Variants in MID1 observed in about 807,000 individuals in gnomAD.
The protein encoded by MID1 is midline 1.
Under a neutral mutation model 40.4 loss-of-function variants are expected in MID1, and 7 were observed. The observed-to-expected ratio is 0.17, with a 90% CI of 0.10 to 0.33. MID1 has a LOEUF of 0.33. Among genes scored for constraint, MID1 ranks in the 10% least tolerant of loss-of-function variants. MID1 has a pLI of 1.00. For synonymous variants in MID1, 229 were observed against 221.2 expected (o/e 1.04, Z -0.31); for missense variants, 367 against 558.5 (o/e 0.66, Z 3.46).
intron 1 of MID1, among the ~76,000 whole-genome samples, chrX:10,577,652 A>G (rs774422535): frequency 6.4e-5 from 7 of 108,824 alleles, no homozygotes; most frequent in African/African-American, 2.3e-4. Flanking sequence ...GTGTGTGTAT[A>G]TATATATATA....
chrX:10,774,797 G>C (rs180818872), intron 1 of MID1, among the ~76,000 whole-genome samples: 1 of 111,590 alleles, frequency 9.0e-6, no homozygotes, highest in Non-Finnish European at 1.9e-5. Flanking sequence ...TATGGAGGTA[G>C]TCAAAGTCTT....
At chrX:10,743,794 A>T (rs776490494) in intron 1 of MID1, among the ~76,000 whole-genome samples, 1 of 112,240 alleles carries the variant, frequency 8.9e-6, no homozygotes, top group African/African-American at 3.2e-5. Flanking sequence ...CAATTTCCTT[A>T]CAGATGAGTT....
intron 1 of MID1, among the ~76,000 whole-genome samples, chrX:10,780,093 G>A (rs1042176698): frequency 2.7e-5 from 3 of 110,336 alleles, no homozygotes; most frequent in African/African-American, 6.6e-5. Context: ...AGCCTCCTGA[G>A]TAGCTGAGAC....
At chrX:10,600,633 T>C (rs2147519950) in intron 1 of MID1, among the ~76,000 whole-genome samples, 1 of 112,170 alleles carries the variant, frequency 8.9e-6, no homozygotes, top group South Asian at 3.7e-4. Context: ...CCAGGATGCA[T>C]TTCCAGTGTC....
chrX:10,460,858 T>C (rs1324799090), intron 7 of MID1, among the ~76,000 whole-genome samples: 1 of 111,221 alleles, frequency 9.0e-6, no homozygotes, highest in East Asian at 2.8e-4. Context: ...AACCTTTCTG[T>C]AGTAAGAAAT....
At chrX:10,456,340 T>C (rs1928667335) in intron 8 of MID1, among the ~76,000 whole-genome samples, 1 of 112,396 alleles carries the variant, frequency 8.9e-6, no homozygotes, top group African/African-American at 3.2e-5. Context: ...TTTTTGGCTA[T>C]GCAGGCCAGG....
intron 1 of MID1, 70 bp from the exon 2 acceptor site, chrX:10,567,673 G>T: frequency 1.5e-6 from 1 of 680,670 alleles, no homozygotes. Flanking sequence ...AGCTTTGAAT[G>T]CATCTCAGAA....
chrX:10,472,443 A>C (rs1929763138), intron 6 of MID1, among the ~76,000 whole-genome samples: 1 of 112,777 alleles, frequency 8.9e-6, no homozygotes, highest in Non-Finnish European at 1.9e-5. Context: ...ATAGAGATTA[A>C]AATGGGTATA....
intron 1 of MID1, among the ~76,000 whole-genome samples, chrX:10,785,707 G>T (rs1321196824): frequency 9.0e-6 from 1 of 111,528 alleles, no homozygotes; most frequent in African/African-American, 3.3e-5. Context: ...ACAAAAACAA[G>T]AAATGGGGAA....
At chrX:10,762,165 G>A (rs991715895) in intron 1 of MID1, among the ~76,000 whole-genome samples, 2 of 112,360 alleles carry the variant, frequency 1.8e-5, no homozygotes, top group African/African-American at 6.5e-5. Context: ...TTTTTATTCA[G>A]TACAATCTGT....
chrX:10,690,818 C>T (rs1158435094), intron 1 of MID1, among the ~76,000 whole-genome samples: 6 of 111,754 alleles, frequency 5.4e-5, no homozygotes, highest in Non-Finnish European at 1.1e-4. Context: ...AAATAAGAAC[C>T]ATATACAGAG....
chrX:10,558,527 A>G (rs777302835), intron 2 of MID1, among the ~76,000 whole-genome samples: 2 of 113,129 alleles, frequency 1.8e-5, no homozygotes, highest in South Asian at 3.6e-4. Flanking sequence ...ACTACAAAAC[A>G]CATTAAAGCA....
chrX:10,559,750 C>A (rs1934258517), intron 2 of MID1, among the ~76,000 whole-genome samples: 1 of 111,635 alleles, frequency 9.0e-6, no homozygotes, highest in Admixed American at 9.5e-5. Flanking sequence ...TATTTAGTAG[C>A]TGTTGGAATG....
At chrX:10,783,074 C>T (rs1049826804) in intron 1 of MID1, among the ~76,000 whole-genome samples, 1 of 111,945 alleles carries the variant, frequency 8.9e-6, no homozygotes, top group Non-Finnish European at 1.9e-5. Flanking sequence ...ATGTTGCTAG[C>T]GTGACTGAGA....
At chrX:10,802,419 C>T (rs1043711603) in intron 1 of MID1, among the ~76,000 whole-genome samples, 2 of 111,099 alleles carry the variant, frequency 1.8e-5, no homozygotes, top group Admixed American at 9.6e-5. Flanking sequence ...GGCCAACAAA[C>T]GTGAAAAAAA....
In MID1 at chrX:10,754,309, G is replaced by GTT. The variant is rs200251008; in HGVS notation, c.-187+79243_-187+79244dup. On this transcript the variant is annotated intron_variant, in intron 1 of 10. Transcript: ENST00000380785. ...AGAATAGACAAGAGAGTTTTTTTTT[G>GTT]TTTTTTGTTTTTTGTTTTTTTTGTC... Among the ~76,000 whole-genome samples the GTT allele has an allele frequency of 1.4e-3, 149 of 104,585 alleles. 4 individuals are homozygous for GTT. The highest frequency in any genetic ancestry group is 5.7e-3 in the African/African-American group (142 of 25,113). 90.8% of individuals were successfully genotyped at this position (104,585 alleles called of 115,157 possible). A position where few individuals can be genotyped will look rare whatever the true frequency, so the allele number is the denominator to read the frequency against.
upstream of MID1, among the ~76,000 whole-genome samples, chrX:10,621,006 C>T (rs1935927609): frequency 9.0e-6 from 1 of 111,708 alleles, no homozygotes; most frequent in African/African-American, 3.3e-5. Flanking sequence ...TTAACTAAAA[C>T]GAACAATCCA....
intron 1 of MID1, among the ~76,000 whole-genome samples, chrX:10,790,299 C>T (rs1216101791): frequency 1.8e-5 from 2 of 109,593 alleles, no homozygotes; most frequent in African/African-American, 6.7e-5. Context: ...TCCCACCACG[C>T]CCAGGTAATT....
At chrX:10,467,426 A>G (rs1017922644) in intron 7 of MID1, among the ~76,000 whole-genome samples, 1 of 112,265 alleles carries the variant, frequency 8.9e-6, no homozygotes, top group Non-Finnish European at 1.9e-5. Flanking sequence ...CACTTCAAAT[A>G]TCTGAGGACA....
Sources: gnomAD v4.1 joint callset for allele counts (sites outside exome capture counted in the v4.1 genomes callset) on GRCh38, gnomAD v4.1.1 for gene constraint, MANE v1.5 for transcripts, NCBI Gene and HGNC (gene_info 2026-07-23, HGNC 2026-07-21) for gene names.